The following LITAF variants were observed in gnomAD, a reference collection of about 807,000 sequenced individuals.
LITAF encodes the protein lipopolysaccharide induced TNF factor.
LITAF carries 9 observed loss-of-function variants against 14.5 expected under a neutral mutation model. That is an observed-to-expected ratio of 0.62 (90% CI 0.37 to 1.08). The LOEUF (loss-of-function observed/expected upper bound fraction) is 1.08. Ranked by LOEUF, LITAF falls within the 50% of genes least tolerant of loss-of-function variation. LITAF has a pLI of 0.01. For missense variants in LITAF, 206 were observed against 213.4 expected, an observed-to-expected ratio of 0.97 and a Z score of 0.22; for synonymous variants, 98 against 88.2, an observed-to-expected ratio of 1.11 and a Z score of -0.62.
At chr16:11,585,375 G>A (rs2064791525) in intron 1 of LITAF, among the ~76,000 whole-genome samples, 1 of 152,158 alleles carries the variant, frequency 6.6e-6, no homozygotes, top group African/African-American at 2.4e-5. Flanking sequence ...CAGGAAAGAG[G>A]GAGATGGGCC....
chr16:11,587,689 A>C, upstream of LITAF: 1 of 212,406 alleles, frequency 4.7e-6, no homozygotes, highest in South Asian at 5.2e-5. Context: ...CAGTAGCCCC[A>C]TTTCACATCC....
At chr16:11,621,826 G>C (rs1483843809) in intron 3 of LITAF, among the ~76,000 whole-genome samples, 3 of 152,038 alleles carry the variant, frequency 2.0e-5, no homozygotes, top group African/African-American at 4.8e-5. Flanking sequence ...CTGGCACCCA[G>C]ATCCTAAGAT....
rs376588715 is a variant in LITAF, at chr16:11,557,421, T to G, written c.-5-686A>C. Among the ~76,000 whole-genome samples the G allele has an allele frequency of 3.9e-4, 60 of 152,288 alleles. 2 individuals carry two copies. Among genetic ancestry groups the G allele is most frequent in the Admixed American group, 1.2e-3 (18 of 15,274 alleles). ...CTCAGTTGTACAATTAAAATGTATA[T>G]ACTTTTTTGTATGTGTGTTATAGTT... On this transcript the variant is annotated intron_variant, in intron 1 of 3. Transcript: ENST00000622633.
At chr16:11,576,337 T>C (rs1481761496) in intron 1 of LITAF, among the ~76,000 whole-genome samples, 1 of 151,734 alleles carries the variant, frequency 6.6e-6, no homozygotes. Context: ...GGCAAGGTGG[T>C]GCATGCCTGT....
upstream of LITAF, among the ~76,000 whole-genome samples, chr16:11,603,443 G>A (rs1008361515): frequency 8.5e-5 from 13 of 152,244 alleles, no homozygotes; most frequent in South Asian, 8.3e-4. Flanking sequence ...TCTTCCACGC[G>A]CCCTTCTCTT....
chr16:11,554,350 G>A (rs1207486971), intron 2 of LITAF, among the ~76,000 whole-genome samples: 1 of 152,178 alleles, frequency 6.6e-6, no homozygotes, highest in African/African-American at 2.4e-5. Flanking sequence ...TAAGGGTAGA[G>A]TTTACCAAGC....
At position 11,553,898 on chromosome 16, in the gene LITAF, G is replaced by C. The variant is rs1434499703; in HGVS notation, c.221-209C>G. ...ATCGACGGACCAATAAACTAACACA[G>C]CGAAGTTTATCCATCCACCAGAATA... is the stretch of plus-strand genomic sequence containing the variant. On this transcript the variant is annotated intron_variant, in intron 2 of 3. Transcript: ENST00000622633. The surrounding 1 kb of genome is among the most constrained non-coding windows in gnomAD (Gnocchi z 7.7). 1 of 585,114 alleles carries C rather than the reference G, an allele frequency of 1.7e-6. No individual in the cohort carries two copies. Among genetic ancestry groups the C allele is most frequent in the Non-Finnish European group, 3.0e-6 (1 of 328,568 alleles). The allele number at this position is 585,114 out of a possible 1,614,324, so 36.2% of individuals were successfully genotyped here.
upstream of LITAF, among the ~76,000 whole-genome samples, chr16:11,602,801 A>T (rs2064935556): frequency 6.6e-6 from 1 of 150,756 alleles, no homozygotes; most frequent in Non-Finnish European, 1.5e-5. Context: ...CTTGAAATGG[A>T]AACTATCTAA....
Position 11,549,936 on chromosome 16 carries a change from G to C in LITAF, c.378-191C>G, listed in dbSNP as rs1597325278. 1 of 621,610 alleles carries C rather than the reference G, an allele frequency of 1.6e-6. No individual in the cohort carries two copies. The allele number at this position is 621,610 out of a possible 1,614,324, so 38.5% of individuals were successfully genotyped here. ...CCAATGACCTTAGAAGAAGAGGAGA[G>C]GACACACAGAGATACAGAGAGGGCA... On this transcript the variant is annotated intron_variant, in intron 3 of 3. Transcript: ENST00000622633. This position sits in a 1 kb window ranked among gnomAD's most constrained non-coding sequence, Gnocchi z 4.6.
intron 1 of LITAF, among the ~76,000 whole-genome samples, chr16:11,594,703 C>G (rs2064871365): frequency 6.6e-6 from 1 of 151,766 alleles, no homozygotes; most frequent in African/African-American, 2.4e-5. Flanking sequence ...TAGTGAAACC[C>G]TGTCTCTACT....
chr16:11,608,980 C>CAAACAA (rs2064968563), intron 3 of LITAF, among the ~76,000 whole-genome samples: 1 of 149,696 alleles, frequency 6.7e-6, no homozygotes, highest in African/African-American at 2.5e-5. Context: ...AACAAACAAA[C>CAAACAA]AAAAAAAAAC....
At chr16:11,617,163 T>C (rs1200117378) in intron 3 of LITAF, among the ~76,000 whole-genome samples, 2 of 151,972 alleles carry the variant, frequency 1.3e-5, no homozygotes, top group Non-Finnish European at 2.9e-5. Flanking sequence ...GTAGTTGCAG[T>C]GAGCCGAGCT....
intron 3 of LITAF, among the ~76,000 whole-genome samples, chr16:11,615,521 G>C (rs370139562): frequency 5.3e-5 from 8 of 152,130 alleles, no homozygotes; most frequent in African/African-American, 1.9e-4. Flanking sequence ...GGGGCAAAAA[G>C]AGTGAAACTC....
intron 1 of LITAF, among the ~76,000 whole-genome samples, chr16:11,578,435 G>T (rs2064678776): frequency 6.6e-6 from 1 of 152,138 alleles, no homozygotes; most frequent in African/African-American, 2.4e-5. Context: ...GGAGGCTGAG[G>T]CAGGAGAATT....
chr16:11,585,280 C>A (rs1429756126), intron 1 of LITAF, among the ~76,000 whole-genome samples: 1 of 151,346 alleles, frequency 6.6e-6, no homozygotes, highest in Non-Finnish European at 1.5e-5. Context: ...TTAGATCAAT[C>A]ACCCAGTCAC....
Position 11,549,039 on chromosome 16 carries a change from C to A in LITAF, c.*598G>T. 2.2e-6 allele frequency: 1 copy of A among 446,920 alleles called. No homozygotes were observed. Among genetic ancestry groups the A allele is most frequent in the East Asian group, 7.1e-5 (1 of 14,124 alleles). 27.7% of individuals were successfully genotyped at this position (446,920 alleles called of 1,614,324 possible). A position where few individuals can be genotyped will look rare whatever the true frequency, so the allele number is the denominator to read the frequency against. On this transcript the variant is annotated 3_prime_UTR_variant, in exon 4 of 4. Transcript: ENST00000622633. This position sits in a 1 kb window ranked among gnomAD's most constrained non-coding sequence, Gnocchi z 4.6. ...ATATGTCTGTACTGGGTGTTAATAG[C>A]CCCCTCCTTGTATTTAAAAAAAAAA... is the stretch of plus-strand genomic sequence containing the variant.
At chr16:11,593,851 C>T (rs1475274095) in intron 1 of LITAF, among the ~76,000 whole-genome samples, 2 of 152,060 alleles carry the variant, frequency 1.3e-5, no homozygotes. Context: ...GGGGTGACTG[C>T]CCAAGAGTAT....
chr16:11,573,074 G>A (rs1236493660), intron 1 of LITAF, among the ~76,000 whole-genome samples: 3 of 151,912 alleles, frequency 2.0e-5, no homozygotes, highest in Non-Finnish European at 2.9e-5. Context: ...GACTACAGGC[G>A]TGTGCCACCA....
At chr16:11,579,278 C>G (rs1273052560) in intron 1 of LITAF, among the ~76,000 whole-genome samples, 2 of 151,326 alleles carry the variant, frequency 1.3e-5, no homozygotes, top group Non-Finnish European at 2.9e-5. Flanking sequence ...GGTGAAACCC[C>G]GTCTCTACTA....
Sources: allele counts gnomAD v4.1 joint callset (sites outside exome capture counted in the v4.1 genomes callset), GRCh38; gene constraint gnomAD v4.1.1; non-coding constraint Gnocchi (gnomAD v3.1); transcripts MANE v1.5; gene names NCBI Gene and HGNC (gene_info 2026-07-23, HGNC 2026-07-21).